The following ZMYND19 variants were observed in gnomAD, a reference collection of about 807,000 sequenced individuals.
ZMYND19 encodes zinc finger MYND-type containing 19, also known as zinc finger MYND domain-containing protein 19.
Under a neutral mutation model 32.0 loss-of-function variants are expected in ZMYND19, and 17 were observed. That is an observed-to-expected ratio of 0.53 (90% CI 0.36 to 0.80). ZMYND19 has a LOEUF of 0.80. ZMYND19 is among the 30% of genes least tolerant of loss of function. The probability of loss-of-function intolerance (pLI) is 0.00; values close to 1 mark genes in which losing one functional copy is unlikely to be tolerated. For synonymous variants in ZMYND19, 124 were observed against 113.6 expected (o/e 1.09, Z -0.58); for missense variants, 250 against 293.6 (o/e 0.85, Z 1.09).
At chr9:137,582,763 A>T (rs76885758) in intron 5 of ZMYND19, 77 bp from the exon 6 acceptor site, 20,594 of 1,563,836 alleles carry the variant, frequency 0.013, 618 homozygotes, top group South Asian at 0.1. Context: ...CTTACGGACA[A>T]TCTGACGGAC....
chr9:137,582,117 C>T lies in ZMYND19; in HGVS notation c.*426G>A, dbSNP rs956370416. ...CTTTACTTTGCCTTTGTGGACACAA[C>T]TCCCGTGCAGGCCGCGCTCCACGGG... On this transcript the variant is annotated 3_prime_UTR_variant, in exon 6 of 6. Transcript: ENST00000298585. 6.3e-6 allele frequency: 1 copy of T among 159,918 alleles called. No individual in the cohort carries two copies. The highest frequency in any genetic ancestry group is 2.4e-5 in the African/African-American group (1 of 41,594). The allele number at this position is 159,918 out of a possible 1,614,324, so 9.9% of individuals were successfully genotyped here.
intron 3 of ZMYND19, chr9:137,587,457 A>G (rs1428482223): frequency 3.0e-5 from 18 of 594,380 alleles, no homozygotes; most frequent in Non-Finnish European, 4.8e-5. Flanking sequence ...GGCAAAACCC[A>G]GCAAGGGGAG....
chr9:137,585,739 T>C (rs542067285), intron 4 of ZMYND19, among the ~76,000 whole-genome samples: 2 of 152,306 alleles, frequency 1.3e-5, no homozygotes, highest in Non-Finnish European at 2.9e-5. Flanking sequence ...GTGCTCCCAC[T>C]GTTTCCACCT....
chr9:137,588,935 G>C, intron 1 of ZMYND19: 1 of 554,550 alleles, frequency 1.8e-6, no homozygotes, highest in Non-Finnish European at 3.2e-6. Flanking sequence ...CAGGTTAAAA[G>C]CCAGCTGCCC....
chr9:137,588,955 T>A (rs1842238583), intron 1 of ZMYND19: 1 of 522,428 alleles, frequency 1.9e-6, no homozygotes, highest in Non-Finnish European at 3.5e-6. Flanking sequence ...CACTTTAGTC[T>A]GCGCCAGAGG....
Position 137,590,234 on chromosome 9 carries a change from C to G in ZMYND19, c.30G>C (p.Arg10=), listed in dbSNP as rs913603871. The G allele has an allele frequency of 2.6e-6, 3 of 1,150,236 alleles. No homozygotes were observed. The highest frequency in any genetic ancestry group is 3.3e-6 in the Non-Finnish European group (3 of 919,680). 71.3% of individuals were successfully genotyped at this position (1,150,236 alleles called of 1,614,324 possible). A position where few individuals can be genotyped will look rare whatever the true frequency, so the allele number is the denominator to read the frequency against. The part of the protein sequence containing the change: MTDFKLGIV[R]LGRVAGKTKY... ...TCACCTTCCCGGCCACCCGGCCGAG[C>G]CGCACGATACCCAATTTGAAGTCGG... is the stretch of plus-strand genomic sequence containing the variant. The change falls in exon 1 of 6, where the codon CGG becomes CGC. Residue 10 remains arginine, a synonymous_variant. Transcript: ENST00000298585. This position sits in a 1 kb window ranked among gnomAD's most constrained non-coding sequence, Gnocchi z 4.2.
intron 2 of ZMYND19, 134 bp from the exon 3 acceptor site, chr9:137,587,957 G>A: frequency 1.1e-6 from 1 of 872,160 alleles, no homozygotes; most frequent in Non-Finnish European, 1.9e-6. Flanking sequence ...AGACCCTGGG[G>A]AGTGCAGAGC....
At chr9:137,588,340 G>A (rs764943568) in intron 2 of ZMYND19, among the ~76,000 whole-genome samples, 2 of 152,256 alleles carry the variant, frequency 1.3e-5, no homozygotes, top group Non-Finnish European at 2.9e-5. Flanking sequence ...CGAGCTAACA[G>A]ACATGGTCCA....
At chr9:137,586,808 G>A (rs1842210164) in intron 4 of ZMYND19, among the ~76,000 whole-genome samples, 159 bp downstream of exon 4, 1 of 152,230 alleles carries the variant, frequency 6.6e-6, no homozygotes, top group African/African-American at 2.4e-5. Context: ...AGAAAAGGAG[G>A]ATTCCACGCT....
intron 4 of ZMYND19, among the ~76,000 whole-genome samples, chr9:137,585,850 C>T (rs1411159112): frequency 6.6e-6 from 1 of 152,270 alleles, no homozygotes; most frequent in Admixed American, 6.5e-5. Context: ...ACCTTACCAG[C>T]GTTGCTGACA....
chr9:137,589,299 G>A (rs1410840810), intron 1 of ZMYND19: 1 of 979,302 alleles, frequency 1.0e-6, no homozygotes, highest in East Asian at 1.1e-4. Flanking sequence ...TCCCCAGCAG[G>A]CCCTGCCTAT....
At position 137,590,204 on chromosome 9, in the gene ZMYND19, G is replaced by A; in HGVS notation, c.51+9C>T. 5.4e-6 allele frequency: 6 copies of A among 1,107,324 alleles called. No homozygotes were observed. The South Asian group carries it at 8.7e-5, about 16-fold the overall frequency. 68.6% of individuals were successfully genotyped at this position (1,107,324 alleles called of 1,614,324 possible). On this transcript the variant is annotated intron_variant, in intron 1 of 5. Transcript: ENST00000298585. This position sits in a 1 kb window ranked among gnomAD's most constrained non-coding sequence, Gnocchi z 4.2. ...AGACGGGCCGGGTCGCGGGCTCCGC[G>A]CCGCTCACCTTCCCGGCCACCCGGC... is the stretch of plus-strand genomic sequence containing the variant.
At chr9:137,583,895 C>T (rs1263411952) in intron 4 of ZMYND19, among the ~76,000 whole-genome samples, 1 of 152,262 alleles carries the variant, frequency 6.6e-6, no homozygotes, top group East Asian at 1.9e-4. Flanking sequence ...GGGGGCTGAG[C>T]TGACACAGTG....
At chr9:137,584,802 C>T (rs998995107) in intron 4 of ZMYND19, among the ~76,000 whole-genome samples, 7 of 152,296 alleles carry the variant, frequency 4.6e-5, no homozygotes, top group Middle Eastern at 6.8e-3. Flanking sequence ...TGCTTCAGTC[C>T]GCAAGTGCTA....
intron 1 of ZMYND19, chr9:137,589,413 C>T (rs551456336): frequency 1.0e-6 from 1 of 985,466 alleles, no homozygotes; most frequent in East Asian, 1.1e-4. Context: ...CCTGACGCCG[C>T]CTGACACTGC....
intron 4 of ZMYND19, among the ~76,000 whole-genome samples, chr9:137,585,781 G>A (rs1410131837): frequency 1.3e-5 from 2 of 152,310 alleles, no homozygotes; most frequent in Middle Eastern, 3.4e-3. Context: ...TGACTCTGAG[G>A]TGACAACTGC....
At position 137,590,042 on chromosome 9, in the gene ZMYND19, C is replaced by T; in HGVS notation, c.51+171G>A. ...GTGCCCGCCGGCCTGCGAGAGGAAG[C>T]TGCACCCGCGCGGGGCCAGCAGCCG... On this transcript the variant is annotated intron_variant, in intron 1 of 5. Transcript: ENST00000298585. This position sits in a 1 kb window ranked among gnomAD's most constrained non-coding sequence, Gnocchi z 4.2. 1.0e-6 allele frequency: 1 copy of T among 984,458 alleles called. No individual in the cohort carries two copies. Among genetic ancestry groups the T allele is most frequent in the Non-Finnish European group, 1.2e-6 (1 of 829,554 alleles). The allele number at this position is 984,458 out of a possible 1,614,324, so 61.0% of individuals were successfully genotyped here.
rs1378013274 is a variant in ZMYND19 at position 137,582,351 on chromosome 9, T to C, written c.*192A>G. On this transcript the variant is annotated 3_prime_UTR_variant, in exon 6 of 6. Coordinates refer to ENST00000298585, the MANE Select transcript of ZMYND19 (RefSeq NM_138462.3). ...ACCGTCCTGGTGGGAGCCTCCTCCG[T>C]TGTCTCTGCTGGAGATGAACACTGA... is the stretch of plus-strand genomic sequence containing the variant. 2.0e-5 allele frequency: 14 copies of C among 685,626 alleles called. No homozygotes were observed. The highest frequency in any genetic ancestry group is 3.3e-5 in the Non-Finnish European group (14 of 426,314). The allele number at this position is 685,626 out of a possible 1,614,324, so 42.5% of individuals were successfully genotyped here. A position where few individuals can be genotyped will look rare whatever the true frequency, so the allele number is the denominator to read the frequency against.
intron 1 of ZMYND19, chr9:137,589,627 G>A: frequency 5.1e-6 from 5 of 985,484 alleles, no homozygotes; most frequent in Non-Finnish European, 4.8e-6. Context: ...AAGGCCCTGA[G>A]TCTGCAGCAT....
Sources: allele counts gnomAD v4.1 joint callset (sites outside exome capture counted in the v4.1 genomes callset), GRCh38; gene constraint gnomAD v4.1.1; non-coding constraint Gnocchi (gnomAD v3.1); transcripts MANE v1.5; gene names NCBI Gene and HGNC (gene_info 2026-07-23, HGNC 2026-07-21).